The following GATAD2B variants were observed in gnomAD, a reference collection of about 807,000 sequenced individuals.
The protein encoded by GATAD2B is transcriptional repressor p66-beta.
GATAD2B carries 8 observed loss-of-function variants against 64.3 expected under a neutral mutation model. The observed-to-expected ratio is 0.12, with a 90% CI of 0.07 to 0.22. The LOEUF (loss-of-function observed/expected upper bound fraction) is 0.22, where lower values mean the gene tolerates loss of function less well. Ranked by LOEUF, GATAD2B falls within the 10% of genes least tolerant of loss-of-function variation. The pLI is 1.00. For synonymous variants in GATAD2B, 281 were observed against 271.3 expected, an observed-to-expected ratio of 1.04 and a Z score of -0.35; for missense variants, 453 against 752.0, an observed-to-expected ratio of 0.60 and a Z score of 4.65.
At chr1:153,901,709 A>C (rs1267108612) in intron 1 of GATAD2B, among the ~76,000 whole-genome samples, 2 of 151,490 alleles carry the variant, frequency 1.3e-5, no homozygotes, top group African/African-American at 4.9e-5. Context: ...CTGTAATCCC[A>C]GCTATTTGAG....
chr1:153,907,669 C>T (rs947409462), intron 1 of GATAD2B, among the ~76,000 whole-genome samples: 25 of 145,994 alleles, frequency 1.7e-4, no homozygotes, highest in African/African-American at 6.1e-4. Context: ...GATGGAGTCT[C>T]GCTCTGTCAC....
At chr1:153,853,073 A>C in intron 1 of GATAD2B, 1 of 1,512,792 alleles carries the variant, frequency 6.6e-7, no homozygotes, top group South Asian at 1.1e-5. Context: ...CTTTTGCCCC[A>C]GTCACAGCAC....
chr1:153,881,373 A>C (rs1475360278), intron 1 of GATAD2B, among the ~76,000 whole-genome samples: 1 of 152,228 alleles, frequency 6.6e-6, no homozygotes, highest in African/African-American at 2.4e-5. Context: ...CACTCTCCTT[A>C]TTGCTTCAGC....
chr1:153,879,208 G>C (rs1676934272), intron 1 of GATAD2B, among the ~76,000 whole-genome samples: 1 of 152,082 alleles, frequency 6.6e-6, no homozygotes, highest in Non-Finnish European at 1.5e-5. Context: ...CCAAAGTGCT[G>C]GGATTACAGG....
intron 1 of GATAD2B, chr1:153,899,021 T>G (rs1200146193): frequency 6.6e-6 from 1 of 152,178 alleles, no homozygotes; most frequent in East Asian, 1.9e-4. Context: ...AATCAGATTA[T>G]CAAAACTTTT....
intron 1 of GATAD2B, among the ~76,000 whole-genome samples, chr1:153,896,450 T>A (rs915086377): frequency 1.3e-5 from 2 of 150,786 alleles, no homozygotes; most frequent in African/African-American, 4.9e-5. Flanking sequence ...TTTTTTTTTT[T>A]TTGGAAATGG....
At chr1:153,819,048 A>T (rs542711887) in intron 3 of GATAD2B, 126 bp from the exon 4 acceptor site, 3 of 927,930 alleles carry the variant, frequency 3.2e-6, no homozygotes, top group Admixed American at 2.5e-5. Flanking sequence ...TGGCAATAGG[A>T]TTATCTTTGT....
chr1:153,817,762 A>T (rs1674531648), intron 5 of GATAD2B, among the ~76,000 whole-genome samples: 1 of 152,136 alleles, frequency 6.6e-6, no homozygotes, highest in Admixed American at 6.5e-5. Flanking sequence ...TTTTTGGTAT[A>T]AACTATCTAA....
rs1400582089 is a variant in GATAD2B at position 153,808,733 on chromosome 1, T to C, written c.*1444A>G. The C allele has an allele frequency of 7.0e-6, 1 of 143,632 alleles. No homozygotes were observed. The highest frequency in any genetic ancestry group is 2.1e-4 in the East Asian group (1 of 4,682). 8.9% of individuals were successfully genotyped at this position (143,632 alleles called of 1,614,324 possible). ...CCCACAGTGTGGGCAAATGGGATGC[T>C]AATCTCCCCAGTCCCCAGAACAGCA... On this transcript the variant is annotated 3_prime_UTR_variant, in exon 11 of 11. Coordinates refer to ENST00000368655, the MANE Select transcript of GATAD2B (RefSeq NM_020699.4).
chr1:153,883,922 G>A (rs1677083315), intron 1 of GATAD2B, among the ~76,000 whole-genome samples: 3 of 152,164 alleles, frequency 2.0e-5, no homozygotes, highest in Admixed American at 6.6e-5. Flanking sequence ...ATAGTGGGCA[G>A]AGACCCTACT....
chr1:153,840,195 G>C (rs1277751764), intron 1 of GATAD2B, among the ~76,000 whole-genome samples: 1 of 149,890 alleles, frequency 6.7e-6, no homozygotes, highest in African/African-American at 2.5e-5. Context: ...ATCACGCCCG[G>C]CTAATTTTTT....
At chr1:153,817,276 TC>T in intron 6 of GATAD2B, 95 bp downstream of exon 6, 1 of 1,166,192 alleles carries the variant, frequency 8.6e-7, no homozygotes, top group East Asian at 2.5e-5. Context: ...CTAGAGTTTA[TC>T]TATGTATAAA....
At chr1:153,855,583 T>C (rs1676057082) in intron 1 of GATAD2B, among the ~76,000 whole-genome samples, 1 of 152,180 alleles carries the variant, frequency 6.6e-6, no homozygotes, top group South Asian at 2.1e-4. Context: ...TTAAACACAA[T>C]ACAAATTGTA....
chr1:153,829,553 T>C (rs1675005401), intron 1 of GATAD2B, among the ~76,000 whole-genome samples: 1 of 151,626 alleles, frequency 6.6e-6, no homozygotes, highest in Non-Finnish European at 1.5e-5. Flanking sequence ...CTGGCTAAGA[T>C]GGTGAAACCC....
Position 153,868,694 on chromosome 1 carries a change from T to A in GATAD2B, c.-1-40346A>T, listed in dbSNP as rs181204419. 2.2e-4 allele frequency among the ~76,000 whole-genome samples: 34 copies of A among 151,986 alleles called. No individual in the cohort carries two copies. In the East Asian group the frequency reaches 6.2e-3, roughly 28 times the overall value. On this transcript the variant is annotated intron_variant, in intron 1 of 10. Transcript: ENST00000368655. ...TGTTTATTAACTACTCTACAGATCT[T>A]ATTCACATGTCACCAGTTTTCCCAC... is the stretch of plus-strand genomic sequence containing the variant.
intron 1 of GATAD2B, among the ~76,000 whole-genome samples, chr1:153,860,535 A>G (rs1676245161): frequency 6.6e-6 from 1 of 151,944 alleles, no homozygotes; most frequent in Non-Finnish European, 1.5e-5. Context: ...GGGTCTTGCT[A>G]TGTTGCCCAG....
intron 1 of GATAD2B, among the ~76,000 whole-genome samples, chr1:153,864,379 G>A (rs1416589295): frequency 6.6e-6 from 1 of 152,218 alleles, no homozygotes; most frequent in Non-Finnish European, 1.5e-5. Flanking sequence ...CACTTTGGGA[G>A]GTGGAGGCGG....
At chr1:153,835,288 G>A (rs1475290213) in intron 1 of GATAD2B, among the ~76,000 whole-genome samples, 37 of 152,152 alleles carry the variant, frequency 2.4e-4, no homozygotes, top group Admixed American at 2.4e-3. Flanking sequence ...CAAAGCAGCA[G>A]GGTTTGAAAG....
chr1:153,865,007 T>A (rs1027201552), intron 1 of GATAD2B, among the ~76,000 whole-genome samples: 1 of 151,894 alleles, frequency 6.6e-6, no homozygotes, highest in African/African-American at 2.4e-5. Context: ...GAGGCGGAGG[T>A]TGCGGTAAGC....
Sources: allele counts gnomAD v4.1 joint callset (sites outside exome capture counted in the v4.1 genomes callset), GRCh38; gene constraint gnomAD v4.1.1; transcripts MANE v1.5; gene names NCBI Gene and HGNC (gene_info 2026-07-23, HGNC 2026-07-21).